Variants in NFAT5 observed in about 807,000 individuals in gnomAD.
NFAT5 encodes the protein nuclear factor of activated T-cells 5.
Under a neutral mutation model 166.5 loss-of-function variants are expected in NFAT5, and 31 were observed. The ratio of observed to expected loss-of-function variants is 0.19; its 90% confidence interval spans 0.14 to 0.25. The LOEUF is 0.25. NFAT5 is among the 10% of genes least tolerant of loss of function. NFAT5 has a pLI of 1.00. For synonymous variants in NFAT5, 612 were observed against 639.7 expected, an observed-to-expected ratio of 0.96 and a Z score of 0.65; for missense variants, 1,449 against 1,821.8, an observed-to-expected ratio of 0.80 and a Z score of 3.72.
At chr16:69,593,336 A>T (rs963139840) in intron 2 of NFAT5, among the ~76,000 whole-genome samples, 18 of 152,134 alleles carry the variant, frequency 1.2e-4, no homozygotes, top group South Asian at 2.1e-4. Context: ...CTTCTTTTTT[A>T]AAAAAAAATT....
chr16:69,603,254 C>T (rs143803071), intron 2 of NFAT5, among the ~76,000 whole-genome samples: 1 of 152,104 alleles, frequency 6.6e-6, no homozygotes, highest in East Asian at 1.9e-4. Flanking sequence ...CCCTTAAATC[C>T]TTTATACATC....
intron 2 of NFAT5, among the ~76,000 whole-genome samples, chr16:69,573,460 A>G (rs746796589): frequency 1.5e-4 from 23 of 152,326 alleles, no homozygotes; most frequent in Non-Finnish European, 2.5e-4. Flanking sequence ...GAAAACATTT[A>G]ACATGAAAAA....
chr16:69,663,664 G>A (rs374554522), intron 7 of NFAT5, among the ~76,000 whole-genome samples: 2 of 151,464 alleles, frequency 1.3e-5, no homozygotes, highest in Non-Finnish European at 2.9e-5. Context: ...GAAGCCAGGA[G>A]TTGGAAACCA....
intron 3 of NFAT5, chr16:69,632,573 T>C (rs2034767633): frequency 6.6e-6 from 1 of 152,172 alleles, no homozygotes; most frequent in South Asian, 2.1e-4. Flanking sequence ...GCAACAAAAT[T>C]TTTTATCCCA....
At chr16:69,666,601 A>G (rs1016972305) in intron 7 of NFAT5, among the ~76,000 whole-genome samples, 9 of 152,306 alleles carry the variant, frequency 5.9e-5, no homozygotes, top group African/African-American at 1.2e-4. Flanking sequence ...TCAGAGAAAT[A>G]CAAATCAAAA....
intron 2 of NFAT5, among the ~76,000 whole-genome samples, chr16:69,622,411 A>G (rs528013186): frequency 6.6e-6 from 1 of 152,298 alleles, no homozygotes; most frequent in African/African-American, 2.4e-5. Context: ...ATCAGAAAAC[A>G]TCTTTGGTGA....
intron 2 of NFAT5, among the ~76,000 whole-genome samples, chr16:69,588,075 C>G (rs1035338416): frequency 2.0e-5 from 3 of 151,158 alleles, no homozygotes; most frequent in African/African-American, 7.3e-5. Flanking sequence ...GCCTCAGCCC[C>G]CTGGGTAGCT....
rs761768805 is a variant in NFAT5, at chr16:69,693,004, G to GTAA, written c.3181_3183dup (p.Asn1061dup). On this transcript the variant is annotated inframe_insertion, in exon 13 of 15. Coordinates refer to ENST00000349945, the MANE Select transcript of NFAT5 (RefSeq NM_138713.4). Reference sequence around the variant, plus strand: ...CAGAATAGTGGTACCCAACAACAAGGTAATGGTTTATTCCAGCAAGGGAAT... The same window carrying GTAA: ...CAGAATAGTGGTACCCAACAACAAGGTAATAATGGTTTATTCCAGCAAGGGAAT... 1 of 1,614,092 alleles carries GTAA rather than the reference G, an allele frequency of 6.2e-7. No homozygotes were observed. The highest frequency in any genetic ancestry group is 1.1e-5 in the South Asian group (1 of 91,090).
chr16:69,568,882 A>G (rs2016269751), intron 2 of NFAT5, among the ~76,000 whole-genome samples: 1 of 152,260 alleles, frequency 6.6e-6, no homozygotes, highest in Non-Finnish European at 1.5e-5. Flanking sequence ...TAACATGAAT[A>G]TAAAAGAGTG....
chr16:69,646,418 T>A, intron 3 of NFAT5: 1 of 422,582 alleles, frequency 2.4e-6, no homozygotes, highest in Non-Finnish European at 3.8e-6. Context: ...TCCAATTCAG[T>A]TGATTATATA....
chr16:69,655,641 A>G lies in NFAT5; in HGVS notation c.1038A>G (p.Gln346=). 2 of 1,611,776 alleles carry G rather than the reference A, an allele frequency of 1.2e-6. No homozygotes were observed. Among genetic ancestry groups the G allele is most frequent in the Non-Finnish European group, 1.7e-6 (2 of 1,178,640 alleles). Residue 346 remains glutamine (Q), a synonymous_variant, in exon 6 of 15, where the codon CAA becomes CAG. Coordinates refer to ENST00000349945, the MANE Select transcript of NFAT5 (RefSeq NM_138713.4). ...GCCATAATGAACCTGTAGTGTTGCA[A>G]GTGTTTGTGGGCAACGACTCTGGAC... ...LEGHNEPVVL[Q]VFVGNDSGRV...
chr16:69,599,641 G>A (rs1481195845), intron 2 of NFAT5, among the ~76,000 whole-genome samples: 1 of 152,150 alleles, frequency 6.6e-6, no homozygotes, highest in East Asian at 1.9e-4. Context: ...AATGGTGGGG[G>A]CACTATTTTG....
At chr16:69,664,068 T>C (rs1344738295) in intron 7 of NFAT5, among the ~76,000 whole-genome samples, 1 of 152,102 alleles carries the variant, frequency 6.6e-6, no homozygotes, top group African/African-American at 2.4e-5. Flanking sequence ...CCCACAGCTA[T>C]GGGGAAAGGA....
intron 2 of NFAT5, among the ~76,000 whole-genome samples, chr16:69,576,023 CCGGGCT>C (rs2142912813): frequency 6.6e-6 from 1 of 152,044 alleles, no homozygotes; most frequent in South Asian, 2.1e-4. Context: ...ACATTTGAGG[CCGGGCT>C]CGGTGGCTCA....
At position 69,691,064 on chromosome 16, in the gene NFAT5, A is replaced by G. The variant is rs1379678068; in HGVS notation, c.1899A>G (p.Glu633=). ...EDVTPMEVTA[E]KRSSTIFKTT... ...TTACTCCAATGGAAGTAACAGCAGAAAAAAGATCTTCCACTATTTTTAAGG... is the reference window on the plus strand; with the variant it reads ...TTACTCCAATGGAAGTAACAGCAGAGAAAAGATCTTCCACTATTTTTAAGG... The change falls in exon 12 of 15, where the codon GAA becomes GAG. Residue 633 remains glutamate, a synonymous_variant. Transcript: ENST00000349945. 1 of 1,601,574 alleles carries G rather than the reference A, an allele frequency of 6.2e-7. No individual in the cohort carries two copies.
At chr16:69,687,603 A>C (rs2037362050) in intron 11 of NFAT5, among the ~76,000 whole-genome samples, 1 of 152,182 alleles carries the variant, frequency 6.6e-6, no homozygotes, top group Non-Finnish European at 1.5e-5. Context: ...AACTGAGGAT[A>C]GGTAAAAGAC....
chr16:69,589,180 G>T (rs1488773596), intron 2 of NFAT5, among the ~76,000 whole-genome samples: 1 of 151,696 alleles, frequency 6.6e-6, no homozygotes, highest in African/African-American at 2.4e-5. Context: ...TTTTAGTAGA[G>T]ACAGGGTTTC....
At chr16:69,682,899 TATAAA>T (rs1266955872) in intron 10 of NFAT5, among the ~76,000 whole-genome samples, 1 of 152,074 alleles carries the variant, frequency 6.6e-6, no homozygotes, top group Non-Finnish European at 1.5e-5. Flanking sequence ...TGTTAGAAAA[TATAAA>T]ATAAATATAT....
At chr16:69,639,495 G>T (rs1351725343) in intron 3 of NFAT5, among the ~76,000 whole-genome samples, 1 of 152,022 alleles carries the variant, frequency 6.6e-6, no homozygotes, top group African/African-American at 2.4e-5. Flanking sequence ...TGATGAACTG[G>T]AGAAGAAAAA....
Sources: gnomAD v4.1 joint callset for allele counts (sites outside exome capture counted in the v4.1 genomes callset) on GRCh38, gnomAD v4.1.1 for gene constraint, MANE v1.5 for transcripts, NCBI Gene and HGNC (gene_info 2026-07-23, HGNC 2026-07-21) for gene names.